NALF1: variants seen among roughly 807,000 people sequenced by gnomAD.
The protein encoded by NALF1 is NALCN channel auxiliary factor 1, also known as family with sequence similarity 155 member A.
NALF1 carries 3 observed loss-of-function variants against 48.4 expected under a neutral mutation model. The observed-to-expected ratio is 0.06, with a 90% CI of 0.03 to 0.16. The LOEUF is 0.16. Ranked by LOEUF, NALF1 falls within the 10% of genes least tolerant of loss-of-function variation. NALF1 has a pLI of 1.00. For synonymous variants in NALF1, 262 were observed against 245.7 expected (o/e 1.07, Z -0.62); for missense variants, 526 against 571.5 (o/e 0.92, Z 0.81).
intron 1 of NALF1, among the ~76,000 whole-genome samples, chr13:107,857,510 A>G (rs1390293729): frequency 6.6e-6 from 1 of 152,168 alleles, no homozygotes; most frequent in Non-Finnish European, 1.5e-5. Flanking sequence ...TTGTCCTCTC[A>G]AAAAGGCTGT....
At chr13:107,234,705 G>GA (rs112420394) in intron 1 of NALF1, among the ~76,000 whole-genome samples, 54,863 of 150,936 alleles carry the variant, frequency 0.36, 12,515 homozygotes, top group African/African-American at 0.66. Flanking sequence ...CATAAGCTTA[G>GA]AAAAAAAAAC....
intron 1 of NALF1, among the ~76,000 whole-genome samples, chr13:107,782,706 C>T (rs1441735811): frequency 9.9e-5 from 15 of 151,616 alleles, no homozygotes; most frequent in Admixed American, 9.8e-4. Context: ...TGCCCCGCCG[C>T]CCCGTCTGGG....
intron 1 of NALF1, among the ~76,000 whole-genome samples, chr13:107,257,490 CTTT>C (rs34197611): frequency 0.018 from 2,611 of 147,074 alleles, 67 homozygotes; most frequent in African/African-American, 0.062. Flanking sequence ...GTTTCTTCTG[CTTT>C]TTTTTTTTTT....
intron 1 of NALF1, among the ~76,000 whole-genome samples, chr13:107,327,807 G>T (rs1407079592): frequency 6.6e-6 from 1 of 152,114 alleles, no homozygotes; most frequent in Non-Finnish European, 1.5e-5. Flanking sequence ...GTATCCTGGT[G>T]ACTGATTATG....
intron 1 of NALF1, among the ~76,000 whole-genome samples, chr13:107,777,376 T>C (rs1483518253): frequency 1.3e-5 from 2 of 152,130 alleles, no homozygotes; most frequent in Admixed American, 6.6e-5. Context: ...TTGACGTAAT[T>C]TGGATATTTG....
At chr13:107,767,768 T>A (rs1392239557) in intron 1 of NALF1, among the ~76,000 whole-genome samples, 1 of 152,212 alleles carries the variant, frequency 6.6e-6, no homozygotes, top group Non-Finnish European at 1.5e-5. Flanking sequence ...AATCTTGCCC[T>A]TTTTATAACA....
At chr13:107,429,412 G>T (rs1884337030) in intron 1 of NALF1, among the ~76,000 whole-genome samples, 1 of 152,118 alleles carries the variant, frequency 6.6e-6, no homozygotes, top group African/African-American at 2.4e-5. Flanking sequence ...TTATTTGTAG[G>T]GAAAGCACCA....
chr13:107,197,657 C>G (rs753400270), intron 2 of NALF1, among the ~76,000 whole-genome samples: 2 of 152,198 alleles, frequency 1.3e-5, no homozygotes, highest in Non-Finnish European at 2.9e-5. Context: ...ACATGGCACT[C>G]ACCTGCTGGA....
rs551807930 is a variant in NALF1, at chr13:107,250,169, A to G, written c.916-39414T>C. Among the ~76,000 whole-genome samples, 10 of 151,834 alleles carry G rather than the reference A, an allele frequency of 6.6e-5. 1 individual carries two copies. The South Asian group carries it at 2.1e-3, about 32-fold the overall frequency. ...GAAGTACAGACGACATAAATTCTTC[A>G]CCACTACTGGGGCTCCAAATTAGAA... On this transcript the variant is annotated intron_variant, in intron 1 of 2. Coordinates refer to ENST00000375915, the MANE Select transcript of NALF1 (RefSeq NM_001080396.3).
intron 1 of NALF1, among the ~76,000 whole-genome samples, chr13:107,499,344 G>GT (rs577059287): frequency 2.0e-4 from 30 of 149,758 alleles, no homozygotes; most frequent in East Asian, 5.9e-4. Context: ...ATACAATAAA[G>GT]TTTTTTTTTT....
intron 1 of NALF1, among the ~76,000 whole-genome samples, chr13:107,749,627 A>G (rs1001177032): frequency 6.6e-6 from 1 of 151,952 alleles, no homozygotes; most frequent in Non-Finnish European, 1.5e-5. Flanking sequence ...TATTTTACAT[A>G]CTACAGTATA....
At chr13:107,558,635 C>A (rs552059464) in intron 1 of NALF1, among the ~76,000 whole-genome samples, 1 of 152,098 alleles carries the variant, frequency 6.6e-6, no homozygotes, top group Non-Finnish European at 1.5e-5. Flanking sequence ...GGAAGACATC[C>A]GGTGGTAGTA....
chr13:107,548,792 G>A (rs1877207474), intron 1 of NALF1, among the ~76,000 whole-genome samples: 1 of 151,870 alleles, frequency 6.6e-6, no homozygotes, highest in Non-Finnish European at 1.5e-5. Flanking sequence ...ACTTGTAGAG[G>A]AATATCTAGC....
At chr13:107,685,460 T>C (rs962461363) in intron 1 of NALF1, among the ~76,000 whole-genome samples, 3 of 152,188 alleles carry the variant, frequency 2.0e-5, no homozygotes, top group South Asian at 2.1e-4. Flanking sequence ...AACACGATTA[T>C]TGTTAAATAA....
At chr13:107,771,622 T>A (rs1225853142) in intron 1 of NALF1, among the ~76,000 whole-genome samples, 2 of 152,016 alleles carry the variant, frequency 1.3e-5, no homozygotes, top group Non-Finnish European at 2.9e-5. Flanking sequence ...GGGCTGCATT[T>A]CCAGAAAGGC....
intron 1 of NALF1, among the ~76,000 whole-genome samples, chr13:107,503,742 GGTGTGTGTGTTTGTGTGTGTGTGT>G (rs1176778193): frequency 1.3e-5 from 1 of 78,974 alleles, no homozygotes; most frequent in Non-Finnish European, 3.0e-5. Flanking sequence ...ATGTGTGTCT[GGTGTGTGTGTTTGTGTGTGTGTGT>G]GTGTGTGTGT....
chr13:107,642,260 CTTAT>C (rs753234999), intron 1 of NALF1, among the ~76,000 whole-genome samples: 16 of 152,184 alleles, frequency 1.1e-4, no homozygotes, highest in Non-Finnish European at 2.2e-4. Context: ...CAGAGTTTCA[CTTAT>C]TTATTTCTCT....
intron 2 of NALF1, among the ~76,000 whole-genome samples, chr13:107,192,264 C>T (rs1000923091): frequency 6.6e-6 from 1 of 152,140 alleles, no homozygotes; most frequent in Non-Finnish European, 1.5e-5. Flanking sequence ...GGGGGTCTGA[C>T]CCAAAGACCC....
chr13:107,554,995 TTC>T (rs1274223309), intron 1 of NALF1, among the ~76,000 whole-genome samples: 1 of 152,132 alleles, frequency 6.6e-6, no homozygotes, highest in Non-Finnish European at 1.5e-5. Flanking sequence ...AATAACATTT[TTC>T]TCTCTTCTAA....
Sources: gnomAD v4.1 joint callset for allele counts (sites outside exome capture counted in the v4.1 genomes callset) on GRCh38, gnomAD v4.1.1 for gene constraint, MANE v1.5 for transcripts, NCBI Gene and HGNC (gene_info 2026-07-23, HGNC 2026-07-21) for gene names.